The following SREK1IP1 variants were observed in gnomAD, a reference collection of about 807,000 sequenced individuals.
SREK1IP1 encodes the protein SREK1 interacting protein 1, also known as protein SREK1IP1.
Under a neutral mutation model 22.8 loss-of-function variants are expected in SREK1IP1, and 12 were observed. That is an observed-to-expected ratio of 0.53 (90% CI 0.34 to 0.85). SREK1IP1 has a LOEUF of 0.85. SREK1IP1 is among the 40% of genes least tolerant of loss of function. SREK1IP1 has a pLI of 0.02. For missense variants in SREK1IP1, 147 were observed against 171.8 expected, an observed-to-expected ratio of 0.86 and a Z score of 0.81; for synonymous variants, 53 against 52.7, an observed-to-expected ratio of 1.01 and a Z score of -0.02.
chr5:64,750,817 C>T (rs150284350), intron 2 of SREK1IP1, among the ~76,000 whole-genome samples: 42 of 152,298 alleles, frequency 2.8e-4, no homozygotes, highest in Non-Finnish European at 5.6e-4. Context: ...CTTAGAGGAA[C>T]TTGCTTAATC....
At chr5:64,760,525 C>T (rs1742931321) in intron 1 of SREK1IP1, among the ~76,000 whole-genome samples, 1 of 152,178 alleles carries the variant, frequency 6.6e-6, no homozygotes. Flanking sequence ...GATAGAAAAG[C>T]TACATGCAGA....
Position 64,741,458 on chromosome 5 carries a change from T to C in SREK1IP1, c.62-258A>G, listed in dbSNP as rs187898526. Among the ~76,000 whole-genome samples, 8 of 152,282 alleles carry C rather than the reference T, an allele frequency of 5.3e-5. No individual in the cohort carries two copies. The East Asian group carries it at 1.5e-3, about 29-fold the overall frequency. ...AAGCATTTTTGGGGGCCACTTCTTA[T>C]GGATTTCAAAGTATTGAGTTATTCT... On this transcript the variant is annotated intron_variant, in intron 2 of 4. Transcript: ENST00000513458.
chr5:64,731,510 G>A lies in SREK1IP1; in HGVS notation c.206-3331C>T, dbSNP rs192923716. On this transcript the variant is annotated intron_variant, in intron 3 of 4. Coordinates refer to ENST00000513458, the MANE Select transcript of SREK1IP1 (RefSeq NM_173829.4). ...GAACTCCAGCCTAGACAACAGAGTG[G>A]GCCCTTGTCTCAAAAAAAAAAAAAA... Among the ~76,000 whole-genome samples the A allele has an allele frequency of 2.5e-3, 341 of 137,314 alleles. 3 individuals carry two copies. The highest frequency in any genetic ancestry group is 1.0e-2 in the African/African-American group (296 of 29,724). 90.1% of individuals were successfully genotyped at this position (137,314 alleles called of 152,430 possible). A position where few individuals can be genotyped will look rare whatever the true frequency, so the allele number is the denominator to read the frequency against.
intron 2 of SREK1IP1, among the ~76,000 whole-genome samples, chr5:64,752,146 GTT>G (rs869277379): frequency 1.3e-4 from 8 of 61,044 alleles, no homozygotes; most frequent in South Asian, 5.8e-4. Context: ...TTTTTTGTGT[GTT>G]TTTTTTTTTT....
intron 2 of SREK1IP1, among the ~76,000 whole-genome samples, chr5:64,742,104 AT>A (rs1010530845): frequency 6.6e-5 from 10 of 152,074 alleles, no homozygotes; most frequent in African/African-American, 2.2e-4. Context: ...TATACCTGCA[AT>A]TTTTTCCTGC....
At chr5:64,737,281 G>C (rs1742480345) in intron 3 of SREK1IP1, among the ~76,000 whole-genome samples, 2 of 151,652 alleles carry the variant, frequency 1.3e-5, no homozygotes, top group Non-Finnish European at 2.9e-5. Context: ...AGTAATGAAA[G>C]AAAAACTGGA....
At chr5:64,724,946 C>T (rs1490225683) in intron 4 of SREK1IP1, among the ~76,000 whole-genome samples, 5 of 152,068 alleles carry the variant, frequency 3.3e-5, no homozygotes, top group African/African-American at 1.2e-4. Context: ...ACAATAACTT[C>T]GCATATTTTC....
chr5:64,738,015 T>A (rs938688529), intron 3 of SREK1IP1, among the ~76,000 whole-genome samples: 2 of 152,160 alleles, frequency 1.3e-5, no homozygotes, highest in African/African-American at 2.4e-5. Flanking sequence ...ATTAAGCCAA[T>A]TCTTCCAAAG....
intron 1 of SREK1IP1, among the ~76,000 whole-genome samples, chr5:64,760,350 A>C (rs1474538205): frequency 6.6e-6 from 1 of 152,230 alleles, no homozygotes; most frequent in Non-Finnish European, 1.5e-5. Context: ...TCTAATTGTA[A>C]GCAGCCAGAA....
chr5:64,722,936 T>G lies in SREK1IP1; in HGVS notation c.*1448A>C, dbSNP rs181597851. 2 of 152,336 alleles carry G rather than the reference T, an allele frequency of 1.3e-5. No homozygotes were observed. Among genetic ancestry groups the G allele is most frequent in the East Asian group, 3.9e-4 (2 of 5,194 alleles). The allele number at this position is 152,336 out of a possible 1,614,324, so 9.4% of individuals were successfully genotyped here. A position where few individuals can be genotyped will look rare whatever the true frequency, so the allele number is the denominator to read the frequency against. ...AACCTTTCTAGCCTGTGAGGTTAAGTATACTTAGCTGATTTCACTATCATG... is the reference window on the plus strand; with the variant it reads ...AACCTTTCTAGCCTGTGAGGTTAAGGATACTTAGCTGATTTCACTATCATG... On this transcript the variant is annotated 3_prime_UTR_variant, in exon 5 of 5. Transcript: ENST00000513458.
At chr5:64,733,773 T>C (rs1489011280) in intron 3 of SREK1IP1, among the ~76,000 whole-genome samples, 1 of 152,048 alleles carries the variant, frequency 6.6e-6, no homozygotes, top group Non-Finnish European at 1.5e-5. Context: ...AAACAAACAG[T>C]AGTATATCCA....
intron 3 of SREK1IP1, among the ~76,000 whole-genome samples, chr5:64,736,150 G>A (rs1022526553): frequency 1.3e-5 from 2 of 151,880 alleles, no homozygotes; most frequent in South Asian, 4.1e-4. Context: ...AAACATTTGG[G>A]CATTTTCTAA....
In SREK1IP1 at chr5:64,718,560, T is replaced by C. The variant is rs1056101076; in HGVS notation, c.*5824A>G. ...TGTATAATCTGTACAATAAATATTT[T>C]GTTTCAAGAGATAAGCATAACAAAA... On this transcript the variant is annotated 3_prime_UTR_variant, in exon 5 of 5. Coordinates refer to ENST00000513458, the MANE Select transcript of SREK1IP1 (RefSeq NM_173829.4). The C allele has an allele frequency of 6.6e-6, 1 of 152,198 alleles. No individual in the cohort carries two copies. Among genetic ancestry groups the C allele is most frequent in the African/African-American group, 2.4e-5 (1 of 41,464 alleles). The allele number at this position is 152,198 out of a possible 1,614,324, so 9.4% of individuals were successfully genotyped here. A position where few individuals can be genotyped will look rare whatever the true frequency, so the allele number is the denominator to read the frequency against.
intron 1 of SREK1IP1, among the ~76,000 whole-genome samples, chr5:64,767,666 T>C (rs1402568292): frequency 2.0e-5 from 3 of 152,230 alleles, no homozygotes; most frequent in Non-Finnish European, 4.4e-5. Context: ...ATAGTAATTC[T>C]ATAGCAATTC....
At position 64,724,387 on chromosome 5, in the gene SREK1IP1, C is replaced by T. The variant is rs774207463; in HGVS notation, c.465G>A (p.Lys155=). 6 of 1,534,304 alleles carry T rather than the reference C, an allele frequency of 3.9e-6. No individual in the cohort carries two copies. Among genetic ancestry groups the T allele is most frequent in the Non-Finnish European group, 5.2e-6 (6 of 1,148,366 alleles). Residue 155 remains lysine (K), a synonymous_variant, in exon 5 of 5, where the codon AAG becomes AAA. Coordinates refer to ENST00000513458, the MANE Select transcript of SREK1IP1 (RefSeq NM_173829.4). Reference sequence around the variant, plus strand: ...ACGGCTTAAGCCAAAGTCTCAGTTACTTTCTGGAGAATTCAGAACTATTAG... The same window carrying T: ...ACGGCTTAAGCCAAAGTCTCAGTTATTTTCTGGAGAATTCAGAACTATTAG... ...STPNSSEFSR[K]
At position 64,724,417 on chromosome 5, in the gene SREK1IP1, A is replaced by T. The variant is rs766563820; in HGVS notation, c.435T>A (p.Ser145=). Residue 145 remains serine (S), a synonymous_variant, in exon 5 of 5, where the codon TCT becomes TCA. Coordinates refer to ENST00000513458, the MANE Select transcript of SREK1IP1 (RefSeq NM_173829.4). ...TGGAGAATTCAGAACTATTAGGTGT[A>T]GAAGAATGCTTTTCCTTTTTTCTCT... ...KKKRKKEKHS[S]TPNSSEFSRK The T allele has an allele frequency of 6.3e-7, 1 of 1,580,848 alleles. No individual in the cohort carries two copies. The highest frequency in any genetic ancestry group is 1.7e-4 in the Middle Eastern group (1 of 5,860).
At chr5:64,740,981 G>C (rs761941157) in intron 3 of SREK1IP1, 76 bp downstream of exon 3, 43 of 1,316,346 alleles carry the variant, frequency 3.3e-5, no homozygotes, top group Admixed American at 6.0e-5. Context: ...ATCTTAGTAA[G>C]TATAATGGAA....
intron 2 of SREK1IP1, among the ~76,000 whole-genome samples, chr5:64,747,098 CAATCGTGGCACTTCTG>C (rs1742651555): frequency 6.6e-6 from 1 of 152,188 alleles, no homozygotes; most frequent in Non-Finnish European, 1.5e-5. Flanking sequence ...CTGTGTGCCA[CAATCGTGGCACTTCTG>C]TGTGTTCACA....
chr5:64,752,169 T>TTTC (rs1742756967), intron 2 of SREK1IP1, among the ~76,000 whole-genome samples: 1 of 146,776 alleles, frequency 6.8e-6, no homozygotes, highest in Non-Finnish European at 1.5e-5. Flanking sequence ...TTTTTTTTTT[T>TTTC]TAGATGGAGT....
Sources: gnomAD v4.1 joint callset for allele counts (sites outside exome capture counted in the v4.1 genomes callset) on GRCh38, gnomAD v4.1.1 for gene constraint, MANE v1.5 for transcripts, NCBI Gene and HGNC (gene_info 2026-07-23, HGNC 2026-07-21) for gene names.